LRP1B: variants seen among roughly 807,000 people sequenced by gnomAD.
LRP1B encodes LDL receptor related protein 1B, also known as low-density lipoprotein receptor-related protein 1B.
A neutral mutation model predicts 556.6 loss-of-function variants in LRP1B; 217 were observed. The observed-to-expected ratio is 0.39, with a 90% CI of 0.35 to 0.44. The LOEUF is 0.44. LRP1B is among the 20% of genes least tolerant of loss of function. The pLI is 1.00. For synonymous variants in LRP1B, 2,047 were observed against 1,865.8 expected, an observed-to-expected ratio of 1.10 and a Z score of -2.50; for missense variants, 5,053 against 5,620.8, an observed-to-expected ratio of 0.90 and a Z score of 3.23.
intron 69 of LRP1B, among the ~76,000 whole-genome samples, chr2:140,372,317 T>C (rs1683032053): frequency 6.6e-6 from 1 of 152,112 alleles, no homozygotes; most frequent in African/African-American, 2.4e-5. Context: ...CCCATGGACA[T>C]GGTACTGGGG....
intron 3 of LRP1B, among the ~76,000 whole-genome samples, chr2:141,348,565 G>A (rs185697834): frequency 1.3e-4 from 20 of 151,850 alleles, no homozygotes; most frequent in Admixed American, 2.6e-4. Flanking sequence ...ATCATTATAC[G>A]TATATATGCA....
chr2:140,561,068 T>G (rs116118934), intron 43 of LRP1B, among the ~76,000 whole-genome samples: 1,897 of 152,250 alleles, frequency 0.012, 23 homozygotes, highest in African/African-American at 0.031. Context: ...CTCTGGCCCC[T>G]CATTCTCCCT....
At chr2:140,802,986 G>A (rs1690567744) in intron 32 of LRP1B, among the ~76,000 whole-genome samples, 1 of 152,134 alleles carries the variant, frequency 6.6e-6, no homozygotes, top group African/African-American at 2.4e-5. Context: ...AAACACTGCT[G>A]TCTCTCCTCT....
chr2:140,721,536 CTTTTTTT>C (rs10616730), intron 35 of LRP1B, among the ~76,000 whole-genome samples: 8 of 69,608 alleles, frequency 1.1e-4, no homozygotes, highest in East Asian at 6.2e-4. Flanking sequence ...CAAAGATGCA[CTTTTTTT>C]TTTTTTTTTT....
rs184614917 is a variant in LRP1B, at chr2:141,791,885, A to G, written c.205+18394T>C. Reference sequence around the variant, plus strand: ...AAAAGATCATCCAGCTAGTCAGTAGATCATGGCTAAGGTAGCACATTCCTG... The same window carrying G: ...AAAAGATCATCCAGCTAGTCAGTAGGTCATGGCTAAGGTAGCACATTCCTG... On this transcript the variant is annotated intron_variant, in intron 2 of 90. Coordinates refer to ENST00000389484, the MANE Select transcript of LRP1B (RefSeq NM_018557.3). Among the ~76,000 whole-genome samples, 150 of 152,124 alleles carry G rather than the reference A, an allele frequency of 9.9e-4. 1 individual carries two copies. Among genetic ancestry groups the G allele is most frequent in the South Asian group, 3.3e-3 (16 of 4,826 alleles).
At chr2:141,339,863 T>C (rs1297109557) in intron 3 of LRP1B, among the ~76,000 whole-genome samples, 5 of 152,054 alleles carry the variant, frequency 3.3e-5, no homozygotes, top group Admixed American at 1.3e-4. Context: ...AGGCTGGGTG[T>C]TTAGTGCACT....
chr2:141,021,363 T>A (rs1284978188), intron 11 of LRP1B, among the ~76,000 whole-genome samples: 1 of 145,980 alleles, frequency 6.9e-6, no homozygotes, highest in Non-Finnish European at 1.5e-5. Context: ...CTGATCTAAC[T>A]GAAAATTCCA....
intron 3 of LRP1B, among the ~76,000 whole-genome samples, chr2:141,359,533 G>A (rs1273984433): frequency 6.6e-6 from 1 of 152,178 alleles, no homozygotes; most frequent in Admixed American, 6.5e-5. Context: ...CAAGGCAGGT[G>A]CATCACGAGG....
intron 1 of LRP1B, among the ~76,000 whole-genome samples, chr2:141,915,704 C>G (rs1295670906): frequency 6.6e-6 from 1 of 152,150 alleles, no homozygotes; most frequent in Non-Finnish European, 1.5e-5. Flanking sequence ...GGTCTAATAT[C>G]CAGAATGTGT....
intron 7 of LRP1B, among the ~76,000 whole-genome samples, chr2:141,093,826 T>C (rs1370070097): frequency 6.6e-6 from 1 of 152,092 alleles, no homozygotes; most frequent in Non-Finnish European, 1.5e-5. Context: ...TCAATTCTCC[T>C]GTCTCAGCCT....
intron 7 of LRP1B, among the ~76,000 whole-genome samples, chr2:141,068,036 G>C (rs1558837650): frequency 1.3e-5 from 2 of 151,960 alleles, no homozygotes; most frequent in South Asian, 4.1e-4. Context: ...TCTCAGAAAA[G>C]AAATCTCTAT....
At chr2:141,125,354 G>T (rs1701175243) in intron 7 of LRP1B, among the ~76,000 whole-genome samples, 1 of 152,140 alleles carries the variant, frequency 6.6e-6, no homozygotes, top group South Asian at 2.1e-4. Flanking sequence ...ATGGATAGAA[G>T]ATAGAATGCA....
intron 32 of LRP1B, among the ~76,000 whole-genome samples, chr2:140,792,664 G>A (rs143344038): frequency 1.2e-4 from 19 of 152,052 alleles, no homozygotes; most frequent in African/African-American, 3.6e-4. Flanking sequence ...ATAACATGCT[G>A]AATTTAAAAA....
At position 141,171,647 on chromosome 2, in the gene LRP1B, C is replaced by T. The variant is rs753693459; in HGVS notation, c.1013+16774G>A. ...ATCAGAAAACCTCCCAGCTTCAAGC[C>T]GACTCATCGTGGCTGTGGTGTAGCA... On this transcript the variant is annotated intron_variant, in intron 7 of 90. Transcript: ENST00000389484. Among the ~76,000 whole-genome samples, 19 of 152,188 alleles carry T rather than the reference C, an allele frequency of 1.2e-4. 1 individual carries two copies. Among genetic ancestry groups the T allele is most frequent in the Middle Eastern group, 3.4e-3 (1 of 294 alleles).
chr2:140,759,171 A>AT (rs747193332), intron 35 of LRP1B, among the ~76,000 whole-genome samples: 286 of 152,028 alleles, frequency 1.9e-3, no homozygotes, highest in Middle Eastern at 3.4e-3. Context: ...GAGAAAATAG[A>AT]TTTTTTTTTA....
intron 6 of LRP1B, among the ~76,000 whole-genome samples, chr2:141,197,144 G>A (rs777450394): frequency 4.6e-5 from 7 of 152,090 alleles, no homozygotes; most frequent in Admixed American, 2.0e-4. Context: ...CCAGTCTCAG[G>A]TATATCTTTA....
chr2:141,327,801 T>C (rs949808745), intron 3 of LRP1B, among the ~76,000 whole-genome samples: 2 of 152,074 alleles, frequency 1.3e-5, no homozygotes, highest in African/African-American at 2.4e-5. Flanking sequence ...GTTAATTAAC[T>C]AATTTGTTTC....
intron 43 of LRP1B, among the ~76,000 whole-genome samples, chr2:140,589,812 G>A (rs1162021432): frequency 6.6e-6 from 1 of 152,108 alleles, no homozygotes; most frequent in East Asian, 1.9e-4. Flanking sequence ...TTATGGAAGT[G>A]GAAAACAAAT....
At chr2:141,816,059 T>C (rs1287937742) in intron 1 of LRP1B, among the ~76,000 whole-genome samples, 1 of 152,218 alleles carries the variant, frequency 6.6e-6, no homozygotes, top group Non-Finnish European at 1.5e-5. Context: ...GACAGTTGGA[T>C]GTTTTCTTCA....
Sources: gnomAD v4.1 joint callset for allele counts (sites outside exome capture counted in the v4.1 genomes callset) on GRCh38, gnomAD v4.1.1 for gene constraint, MANE v1.5 for transcripts, NCBI Gene and HGNC (gene_info 2026-07-23, HGNC 2026-07-21) for gene names.